Variants in INTS9 observed in about 807,000 individuals in gnomAD.
INTS9 encodes integrator complex subunit 9.
Under a neutral mutation model 79.7 loss-of-function variants are expected in INTS9, and 55 were observed. The observed-to-expected ratio is 0.69, with a 90% confidence interval of 0.56 to 0.86. The LOEUF is 0.86. Ranked by LOEUF, INTS9 falls within the 40% of genes least tolerant of loss-of-function variation. INTS9 has a pLI of 0.00. For missense variants in INTS9, 721 were observed against 831.5 expected (o/e 0.87, Z 1.64); for synonymous variants, 319 against 325.2 (o/e 0.98, Z 0.20).
At chr8:28,787,943 T>A in intron 10 of INTS9, 54 bp from the exon 11 acceptor site, 8 of 1,247,536 alleles carry the variant, frequency 6.4e-6, no homozygotes, top group Non-Finnish European at 9.2e-6. Context: ...CGGTGGCATC[T>A]GTTGCCACCT....
intron 8 of INTS9, among the ~76,000 whole-genome samples, chr8:28,807,811 G>C (rs1804892827): frequency 6.6e-6 from 1 of 152,158 alleles, no homozygotes; most frequent in South Asian, 2.1e-4. Context: ...CCTTATACAA[G>C]ACAAGGATGT....
intron 8 of INTS9, chr8:28,798,499 CTTTTCTT>C (rs1326294203): frequency 2.0e-5 from 3 of 152,106 alleles, no homozygotes; most frequent in Non-Finnish European, 1.5e-5. Flanking sequence ...CCTGTGTAAA[CTTTTCTT>C]TTTTCTTTTT....
chr8:28,869,303 C>G (rs1183428467), intron 1 of INTS9, among the ~76,000 whole-genome samples: 1 of 152,156 alleles, frequency 6.6e-6, no homozygotes, highest in Non-Finnish European at 1.5e-5. Flanking sequence ...GCCTTGGCCT[C>G]CCAAAGTGCT....
intron 15 of INTS9, 110 bp from the exon 16 acceptor site, chr8:28,770,136 C>T (rs1257131364): frequency 1.5e-6 from 2 of 1,378,406 alleles, no homozygotes; most frequent in Non-Finnish European, 1.9e-6. Flanking sequence ...CCACAGAGCC[C>T]CGGCCCGGTT....
chr8:28,829,790 T>C (rs1806363001), intron 6 of INTS9, among the ~76,000 whole-genome samples: 1 of 152,220 alleles, frequency 6.6e-6, no homozygotes, highest in African/African-American at 2.4e-5. Context: ...CCAACATTTC[T>C]AAAAAGATTT....
chr8:28,853,272 G>A (rs186292693), intron 2 of INTS9, among the ~76,000 whole-genome samples: 11 of 152,186 alleles, frequency 7.2e-5, no homozygotes, highest in South Asian at 4.1e-4. Context: ...AATTATCCAC[G>A]TATGGTGGTG....
In INTS9 at chr8:28,776,434, T is replaced by TTG. The variant is rs1221388000; in HGVS notation, c.1396-509_1396-508insCA. The stretch of plus-strand genomic sequence containing the variant: ...CCAAGGAGCAGAGGCAGAGTTTTTT[T>TTG]TTTTTGTTTTTTTTTTTAAACAAAA... On this transcript the variant is annotated intron_variant, in intron 13 of 16. Coordinates refer to ENST00000521022, the MANE Select transcript of INTS9 (RefSeq NM_018250.4). Among the ~76,000 whole-genome samples, 651 of 87,484 alleles carry TTG rather than the reference T, an allele frequency of 7.4e-3. 3 individuals carry two copies. Among genetic ancestry groups the TTG allele is most frequent in the Non-Finnish European group, 0.011 (475 of 43,418 alleles). The allele number at this position is 87,484 out of a possible 152,430, so 57.4% of individuals were successfully genotyped here. A position where few individuals can be genotyped will look rare whatever the true frequency, so the allele number is the denominator to read the frequency against.
At chr8:28,833,596 G>A (rs184430328) in intron 6 of INTS9, among the ~76,000 whole-genome samples, 1 of 151,070 alleles carries the variant, frequency 6.6e-6, no homozygotes, top group Non-Finnish European at 1.5e-5. Context: ...CTCCAGCCTG[G>A]GCGACAGAGT....
chr8:28,826,924 A>G (rs1449429334), intron 6 of INTS9, among the ~76,000 whole-genome samples: 2 of 152,208 alleles, frequency 1.3e-5, no homozygotes, highest in Non-Finnish European at 2.9e-5. Flanking sequence ...TTCTGCCCAC[A>G]AAGTCCTTTT....
At chr8:28,884,959 G>A (rs540149292) in intron 1 of INTS9, among the ~76,000 whole-genome samples, 2 of 152,334 alleles carry the variant, frequency 1.3e-5, no homozygotes, top group South Asian at 4.1e-4. Flanking sequence ...GATCCAAGGT[G>A]AGGATTAACC....
At chr8:28,782,349 C>T (rs1803321980) in intron 11 of INTS9, among the ~76,000 whole-genome samples, 1 of 152,240 alleles carries the variant, frequency 6.6e-6, no homozygotes, top group African/African-American at 2.4e-5. Context: ...ACAGTAACCA[C>T]ATTCGTCACA....
At chr8:28,781,500 C>T (rs1253938356) in intron 11 of INTS9, among the ~76,000 whole-genome samples, 2 of 152,172 alleles carry the variant, frequency 1.3e-5, no homozygotes. Context: ...CACAAGAAAC[C>T]TGCACATGAA....
At chr8:28,775,528 G>A (rs1354442967) in intron 14 of INTS9, among the ~76,000 whole-genome samples, 3 of 152,134 alleles carry the variant, frequency 2.0e-5, no homozygotes, top group Non-Finnish European at 2.9e-5. Context: ...AGTAGAGATG[G>A]GGTTTTGCCA....
intron 15 of INTS9, 90 bp from the exon 16 acceptor site, chr8:28,770,116 T>C (rs1802445077): frequency 6.7e-7 from 1 of 1,489,862 alleles, no homozygotes. Flanking sequence ...GACTATCCTG[T>C]CCTCACAGGC....
At chr8:28,817,372 T>A (rs1420099271) in intron 6 of INTS9, among the ~76,000 whole-genome samples, 1 of 152,234 alleles carries the variant, frequency 6.6e-6, no homozygotes, top group South Asian at 2.1e-4. Flanking sequence ...TTTCTCCATA[T>A]GGCTAGCCAG....
chr8:28,829,667 A>G lies in INTS9; in HGVS notation c.488+5625T>C, dbSNP rs139276604. The stretch of plus-strand genomic sequence containing the variant: ...CAAGATCTGCTTTGAGGCTGCCTAT[A>G]TATAGTATAATTCAAAAATTAGGGG... On this transcript the variant is annotated intron_variant, in intron 6 of 16. Coordinates refer to ENST00000521022, the MANE Select transcript of INTS9 (RefSeq NM_018250.4). 7.3e-3 allele frequency among the ~76,000 whole-genome samples: 1,114 copies of G among 152,298 alleles called. 11 individuals are homozygous for G. The highest frequency in any genetic ancestry group is 0.026 in the African/African-American group (1,063 of 41,568).
intron 10 of INTS9, 115 bp from the exon 11 acceptor site, chr8:28,788,004 G>C (rs938053555): frequency 5.5e-6 from 3 of 545,378 alleles, no homozygotes; most frequent in Non-Finnish European, 9.6e-6. Flanking sequence ...AAAATTTCCC[G>C]CCAGTGAATT....
chr8:28,769,797 C>A, intron 16 of INTS9, 92 bp downstream of exon 16: 1 of 1,501,684 alleles, frequency 6.7e-7, no homozygotes, highest in Non-Finnish European at 9.1e-7. Context: ...TGACAAGCAG[C>A]AACATCCACT....
chr8:28,788,892 T>C (rs965841976), intron 10 of INTS9, among the ~76,000 whole-genome samples: 1 of 152,212 alleles, frequency 6.6e-6, no homozygotes, highest in South Asian at 2.1e-4. Flanking sequence ...AAGTTCACAG[T>C]TGATAAATCA....
Sources: allele counts gnomAD v4.1 joint callset (sites outside exome capture counted in the v4.1 genomes callset), GRCh38; gene constraint gnomAD v4.1.1; transcripts MANE v1.5; gene names NCBI Gene and HGNC (gene_info 2026-07-23, HGNC 2026-07-21).